The following MAP4K4 variants were observed in gnomAD, a reference collection of about 807,000 sequenced individuals.
MAP4K4 encodes the protein mitogen-activated protein kinase kinase kinase kinase 4.
MAP4K4 carries 38 observed loss-of-function variants against 189.6 expected under a neutral mutation model. The observed-to-expected ratio is 0.20, with a 90% CI of 0.15 to 0.26. The LOEUF is 0.26. MAP4K4 is among the 10% of genes least tolerant of loss of function. The pLI, the probability that MAP4K4 is intolerant of heterozygous loss-of-function variation, is 1.00. For missense variants in MAP4K4, 1,054 were observed against 1,726.9 expected (o/e 0.61, Z 6.91); for synonymous variants, 610 against 624.3 (o/e 0.98, Z 0.34).
At chr2:101,807,030 C>A (rs1244104341) in intron 3 of MAP4K4, among the ~76,000 whole-genome samples, 1 of 150,414 alleles carries the variant, frequency 6.6e-6, no homozygotes, top group African/African-American at 2.5e-5. Flanking sequence ...TCAGTTCTTT[C>A]TTTTACCCTT....
chr2:101,835,170 C>T (rs747260506), intron 8 of MAP4K4, among the ~76,000 whole-genome samples: 8 of 152,198 alleles, frequency 5.3e-5, no homozygotes, highest in Admixed American at 2.6e-4. Context: ...CATACATTCC[C>T]CTGTGCTTCC....
At position 101,792,597 on chromosome 2, in the gene MAP4K4, T is replaced by TCTCCTCCTCCTCCTCCTCCTCCTC. The variant is rs60472010; in HGVS notation, c.180+1830_180+1853dup. Among the ~76,000 whole-genome samples, 47 of 144,886 alleles carry TCTCCTCCTCCTCCTCCTCCTCCTC rather than the reference T, an allele frequency of 3.2e-4. 1 individual carries two copies. Among genetic ancestry groups the TCTCCTCCTCCTCCTCCTCCTCCTC allele is most frequent in the African/African-American group, 1.0e-3 (38 of 36,600 alleles). ...ATACTTACTGCCACCTTCTCCTCCT[T>TCTCCTCCTCCTCCTCCTCCTCCTC]CTCCTCCTCCTCCTCCTCCTCCTCC... On this transcript the variant is annotated intron_variant, in intron 3 of 32. Transcript: ENST00000324219.
At chr2:101,868,477 A>T (rs1338940114) in intron 21 of MAP4K4, among the ~76,000 whole-genome samples, 1 of 152,288 alleles carries the variant, frequency 6.6e-6, no homozygotes, top group African/African-American at 2.4e-5. Flanking sequence ...TTGGAGTTTT[A>T]TATGAAAATG....
chr2:101,733,073 G>A (rs1421124410), intron 2 of MAP4K4, among the ~76,000 whole-genome samples: 1 of 152,222 alleles, frequency 6.6e-6, no homozygotes, highest in African/African-American at 2.4e-5. Flanking sequence ...GTCTGTATTG[G>A]AAGCAATGAC....
chr2:101,800,499 T>A (rs2094262527), intron 3 of MAP4K4, among the ~76,000 whole-genome samples: 1 of 152,266 alleles, frequency 6.6e-6, no homozygotes. Flanking sequence ...TTTATATTAA[T>A]ATTTATGTGC....
At position 101,875,788 on chromosome 2, in the gene MAP4K4, A is replaced by C. The variant is rs956281549; in HGVS notation, c.3242-1215A>C. ...TCAAGGAACAAGAGCATTTGGGGAA[A>C]TACATGAATGATCAAGAGGGAGAAG... On this transcript the variant is annotated intron_variant, in intron 26 of 32. Transcript: ENST00000324219. 2.6e-5 allele frequency among the ~76,000 whole-genome samples: 4 copies of C among 152,346 alleles called. No individual in the cohort carries two copies. In the East Asian group the frequency reaches 7.7e-4, roughly 29 times the overall value.
intron 5 of MAP4K4, among the ~76,000 whole-genome samples, chr2:101,827,612 G>A (rs907867479): frequency 2.0e-5 from 3 of 152,196 alleles, no homozygotes; most frequent in African/African-American, 7.2e-5. Context: ...TTCGAATGGG[G>A]AGGGTCCTGA....
chr2:101,882,721 AG>A, intron 28 of MAP4K4, 36 bp downstream of exon 28: 1 of 1,482,452 alleles, frequency 6.7e-7, no homozygotes, highest in Non-Finnish European at 9.0e-7. Context: ...GTTTTTCCAG[AG>A]TTTGATTAGA....
At chr2:101,891,987 TAAAAAAAAAAAAAAAAAAAA>T (rs60620198) in exon 33 of MAP4K4, 2 of 59,818 alleles carry the variant, frequency 3.3e-5, no homozygotes, top group African/African-American at 1.5e-4. Flanking sequence ...CAGATGGTTC[TAAAAAAAAAAAAAAAAAAAA>T]AAAAAAAAGG....
At chr2:101,867,563 C>T (rs1323972527) in intron 20 of MAP4K4, 2 of 433,870 alleles carry the variant, frequency 4.6e-6, no homozygotes, top group South Asian at 3.4e-5. Context: ...TACAGTCAGC[C>T]TTACAAAATT....
At chr2:101,781,703 C>G (rs1338146829) in intron 2 of MAP4K4, among the ~76,000 whole-genome samples, 1 of 152,182 alleles carries the variant, frequency 6.6e-6, no homozygotes, top group African/African-American at 2.4e-5. Context: ...AAGTTTTCAA[C>G]ACGTGAACTT....
intron 2 of MAP4K4, among the ~76,000 whole-genome samples, chr2:101,720,169 G>A (rs955415554): frequency 2.1e-5 from 3 of 143,704 alleles, no homozygotes; most frequent in African/African-American, 7.8e-5. Flanking sequence ...GGGCAGTGGT[G>A]GGTAAGGTCA....
intron 2 of MAP4K4, among the ~76,000 whole-genome samples, chr2:101,786,250 C>T (rs144114291): frequency 1.8e-4 from 28 of 152,156 alleles, no homozygotes; most frequent in Non-Finnish European, 3.1e-4. Context: ...CATAGTGCCC[C>T]GCATTTAAAA....
rs192530967 is a variant in MAP4K4 at position 101,745,218 on chromosome 2, T to A, written c.124-45502T>A. 5.5e-3 allele frequency among the ~76,000 whole-genome samples: 842 copies of A among 152,110 alleles called. 5 individuals carry two copies. The highest frequency in any genetic ancestry group is 0.017 in the Admixed American group (263 of 15,262). The stretch of plus-strand genomic sequence containing the variant: ...TTTTTCAAAGGTGAAATAGAGCATA[T>A]GTAGCCATAAAGGTGTGTGGTTCTA... On this transcript the variant is annotated intron_variant, in intron 2 of 32. Transcript: ENST00000324219.
At chr2:101,706,889 C>T (rs2042610247) in intron 2 of MAP4K4, among the ~76,000 whole-genome samples, 1 of 152,188 alleles carries the variant, frequency 6.6e-6, no homozygotes. Flanking sequence ...ACTGCCTCAT[C>T]TTCTCTTGTC....
At chr2:101,847,371 G>A (rs1486489912) in intron 12 of MAP4K4, among the ~76,000 whole-genome samples, 1 of 152,196 alleles carries the variant, frequency 6.6e-6, no homozygotes, top group African/African-American at 2.4e-5. Flanking sequence ...CCTTAGGCAG[G>A]TCCTTCAGGA....
At chr2:101,767,433 A>G (rs2079100416) in intron 2 of MAP4K4, among the ~76,000 whole-genome samples, 1 of 152,152 alleles carries the variant, frequency 6.6e-6, no homozygotes, top group African/African-American at 2.4e-5. Flanking sequence ...TGGTCTTTTG[A>G]AAGCTCTTCA....
chr2:101,718,982 G>C (rs550554760), intron 2 of MAP4K4, among the ~76,000 whole-genome samples: 1 of 152,322 alleles, frequency 6.6e-6, no homozygotes. Context: ...GTGGTGTAAA[G>C]TGTATTGGGT....
chr2:101,809,859 A>G (rs1288955637), intron 3 of MAP4K4, among the ~76,000 whole-genome samples: 2 of 152,258 alleles, frequency 1.3e-5, no homozygotes, highest in Non-Finnish European at 2.9e-5. Context: ...CTTCAAAAAC[A>G]TCTGGTCTAA....
Sources: allele counts gnomAD v4.1 joint callset (sites outside exome capture counted in the v4.1 genomes callset), GRCh38; gene constraint gnomAD v4.1.1; transcripts MANE v1.5; gene names NCBI Gene and HGNC (gene_info 2026-07-23, HGNC 2026-07-21).